ANK1: variants seen among roughly 807,000 people sequenced by gnomAD.
ANK1 encodes ankyrin 1.
Under a neutral mutation model 210.4 loss-of-function variants are expected in ANK1, and 51 were observed. The ratio of observed to expected loss-of-function variants is 0.24; its 90% CI spans 0.19 to 0.31. The LOEUF (loss-of-function observed/expected upper bound fraction) is 0.31. Among genes scored for constraint, ANK1 ranks in the 10% least tolerant of loss-of-function variants. The probability of loss-of-function intolerance (pLI) is 1.00; values close to 1 mark genes in which losing one functional copy is unlikely to be tolerated. For synonymous variants in ANK1, 967 were observed against 1,025.9 expected, an observed-to-expected ratio of 0.94 and a Z score of 1.10; for missense variants, 2,051 against 2,504.4, an observed-to-expected ratio of 0.82 and a Z score of 3.86.
chr8:41,662,238 C>T (rs1180403839), intron 40 of ANK1, among the ~76,000 whole-genome samples: 21 of 150,500 alleles, frequency 1.4e-4, no homozygotes, highest in Admixed American at 1.4e-3. Flanking sequence ...GCCTGGTTGA[C>T]AGAGCAACAC....
rs142874869 is a variant in ANK1, at chr8:41,699,283, A to T, written c.2558+169T>A. ...TGTGAGGGAGGCCTCCGCCTGCCCTAGTGGCTAGGGTGCAGAGCTAGCTCA... is the reference window on the plus strand; with the variant it reads ...TGTGAGGGAGGCCTCCGCCTGCCCTTGTGGCTAGGGTGCAGAGCTAGCTCA... On this transcript the variant is annotated intron_variant, in intron 23 of 42. Coordinates refer to ENST00000289734, the MANE Select transcript of ANK1 (RefSeq NM_000037.4). 2.8e-3 allele frequency among the ~76,000 whole-genome samples: 433 copies of T among 152,244 alleles called. 2 individuals carry two copies. Among genetic ancestry groups the T allele is most frequent in the Non-Finnish European group, 4.8e-3 (324 of 67,994 alleles).
chr8:41,819,115 A>C (rs1427121323), intron 1 of ANK1, among the ~76,000 whole-genome samples: 1 of 152,176 alleles, frequency 6.6e-6, no homozygotes, highest in Non-Finnish European at 1.5e-5. Flanking sequence ...CAACTGTAAA[A>C]ACAGCAACCC....
In ANK1 at chr8:41,653,757, C is replaced by A. The variant is rs1804808590; in HGVS notation, c.*2033G>T. ...CGCCTCTGCGCCCTGGAGGCCGGGCCGGGGTGGCCTCTGGCGGAGACGGCA... is the reference window on the plus strand; with the variant it reads ...CGCCTCTGCGCCCTGGAGGCCGGGCAGGGGTGGCCTCTGGCGGAGACGGCA... On this transcript the variant is annotated 3_prime_UTR_variant, in exon 43 of 43. Transcript: ENST00000289734. 6.6e-6 allele frequency: 1 copy of A among 152,302 alleles called. No individual in the cohort carries two copies. The highest frequency in any genetic ancestry group is 2.4e-5 in the African/African-American group (1 of 41,464). The allele number at this position is 152,302 out of a possible 1,614,324, so 9.4% of individuals were successfully genotyped here. A position where few individuals can be genotyped will look rare whatever the true frequency, so the allele number is the denominator to read the frequency against.
In ANK1 at chr8:41,891,052, T is replaced by C. The variant is rs1019555319; in HGVS notation, c.126+5303A>G. Among the ~76,000 whole-genome samples the C allele has an allele frequency of 2.0e-5, 3 of 151,842 alleles. No individual in the cohort carries two copies. In the East Asian group the frequency reaches 5.8e-4, roughly 29 times the overall value. On this transcript the variant is annotated intron_variant, in intron 1 of 42. Transcript: ENST00000265709. ...TGCGTGGAAGGTGCAGAGAGAGCAA[T>C]GGGGTGGGGGTAAGGAGGGGACAGA...
At chr8:41,795,943 C>A (rs1236436604) in intron 1 of ANK1, among the ~76,000 whole-genome samples, 1 of 152,124 alleles carries the variant, frequency 6.6e-6, no homozygotes, top group Non-Finnish European at 1.5e-5. Flanking sequence ...AAATGATAAA[C>A]ATTCAAGTCT....
At chr8:41,789,998 G>A (rs888519468) in intron 1 of ANK1, among the ~76,000 whole-genome samples, 3 of 152,156 alleles carry the variant, frequency 2.0e-5, no homozygotes, top group East Asian at 1.9e-4. Context: ...TGGATGACAC[G>A]TTTGTGAAGA....
At chr8:41,664,293 G>A (rs943321308) in intron 39 of ANK1, 4 of 393,818 alleles carry the variant, frequency 1.0e-5, no homozygotes, top group East Asian at 7.2e-5. Flanking sequence ...GCAACATAGC[G>A]AGCCCCCATC....
chr8:41,794,217 GC>G (rs1339232387), intron 1 of ANK1, among the ~76,000 whole-genome samples: 3 of 152,126 alleles, frequency 2.0e-5, no homozygotes, highest in African/African-American at 7.2e-5. Context: ...AATGTACAAA[GC>G]CCTGCATCTT....
intron 1 of ANK1, among the ~76,000 whole-genome samples, chr8:41,847,244 G>A (rs924101109): frequency 3.3e-5 from 5 of 152,298 alleles, no homozygotes; most frequent in East Asian, 1.9e-4. Flanking sequence ...CTTTCCAGGC[G>A]GCTGTTGTCC....
chr8:41,697,848 T>C lies in ANK1; in HGVS notation c.2637+195A>G, dbSNP rs559651. The C allele has an allele frequency of 0.36, 242,311 of 666,160 alleles. 46,133 individuals are homozygous for C. The highest frequency in any genetic ancestry group is 0.59 in the East Asian group (21,161 of 35,986). The allele number at this position is 666,160 out of a possible 1,614,324, so 41.3% of individuals were successfully genotyped here. On this transcript the variant is annotated intron_variant, in intron 24 of 42. Coordinates refer to ENST00000289734, the MANE Select transcript of ANK1 (RefSeq NM_000037.4). ...GAAAGGGCCCCATCTGACCATCTCT[T>C]CCAGACGCCGCCCACCCAGCGCCAC...
chr8:41,680,429 G>T (rs1045461589), intron 37 of ANK1, among the ~76,000 whole-genome samples: 3 of 152,050 alleles, frequency 2.0e-5, no homozygotes, highest in African/African-American at 7.3e-5. Flanking sequence ...TGGGTATGGT[G>T]GCGGGCACCT....
Position 41,699,457 on chromosome 8 carries a change from G to T in ANK1, c.2553C>A (p.Asp851Glu). 2 of 1,614,048 alleles carry T rather than the reference G, an allele frequency of 1.2e-6. No homozygotes were observed. Among genetic ancestry groups the T allele is most frequent in the Admixed American group, 1.7e-5 (1 of 60,022 alleles). Reference sequence around the variant, plus strand: ...CTCCCGGGAGCACTGCTCACACTTGGTCTAGCTTCGGCACAAAATCCAGCA... The same window carrying T: ...CTCCCGGGAGCACTGCTCACACTTGTTCTAGCTTCGGCACAAAATCCAGCA... ...KELLDFVPKL[D>E]QVVESPAIPR... The change falls in exon 23 of 43, where the codon GAC becomes GAA. Residue 851 changes from aspartate (D) to glutamate (E), a missense_variant. Coordinates refer to ENST00000289734, the MANE Select transcript of ANK1 (RefSeq NM_000037.4).
chr8:41,745,097 CAGAGACAG>C (rs374899008), intron 2 of ANK1, among the ~76,000 whole-genome samples: 48 of 136,260 alleles, frequency 3.5e-4, no homozygotes, highest in African/African-American at 9.0e-4. Context: ...AGAAAACAGA[CAGAGACAG>C]AGAGACAGAG....
intron 1 of ANK1, among the ~76,000 whole-genome samples, chr8:41,843,050 A>G (rs903064243): frequency 2.4e-4 from 36 of 152,036 alleles, no homozygotes; most frequent in African/African-American, 8.7e-4. Flanking sequence ...GTTTCACCAC[A>G]TTGGCCAGGC....
chr8:41,835,217 C>T (rs1484838653), intron 1 of ANK1, among the ~76,000 whole-genome samples: 3 of 152,212 alleles, frequency 2.0e-5, no homozygotes, highest in Non-Finnish European at 4.4e-5. Context: ...CTTTGGGACG[C>T]TGAGGCAGGT....
At position 41,694,716 on chromosome 8, in the gene ANK1, C is replaced by T. The variant is rs763961763; in HGVS notation, c.3203G>A (p.Arg1068Gln). The T allele has an allele frequency of 1.2e-5, 19 of 1,614,058 alleles. No individual in the cohort carries two copies. Among genetic ancestry groups the T allele is most frequent in the African/African-American group, 2.7e-5 (2 of 74,916 alleles). The change falls in exon 28 of 43, where the codon CGG becomes CAG. Residue 1068 changes from arginine (R) to glutamine (Q), a missense_variant. By Grantham distance (43) the Arg-to-Gln change is conservative. Coordinates refer to ENST00000289734, the MANE Select transcript of ANK1 (RefSeq NM_000037.4). The surrounding 1 kb of genome is among the most constrained non-coding windows in gnomAD (Gnocchi z 5.7). ...DFPLYFVIMS[R>Q]LCQDYDTIGP... ...GATGGTGTCGTAGTCCTGGCAGAGC[C>T]GTGACATGATCACGAAGTACAGCGG...
rs1817624610 is a variant in ANK1 at position 41,686,134 on chromosome 8, C to T, written c.4390+18G>A. The T allele has an allele frequency of 6.2e-7, 1 of 1,614,120 alleles. No individual in the cohort carries two copies. The highest frequency in any genetic ancestry group is 8.5e-7 in the Non-Finnish European group (1 of 1,180,046). ...GAGGAGGTCCTAGGACAGGCTTCCT[C>T]AGTGGGACGGTACTGACTGTTTGCG... is the stretch of plus-strand genomic sequence containing the variant. On this transcript the variant is annotated intron_variant, in intron 36 of 42. Coordinates refer to ENST00000289734, the MANE Select transcript of ANK1 (RefSeq NM_000037.4).
At position 41,857,891 on chromosome 8, in the gene ANK1, G is replaced by A. The variant is rs182349021; in HGVS notation, c.126+38464C>T. Reference sequence around the variant, plus strand: ...CGAACTCCAGCCTGGGCGACAGAGTGAGACTCCATCTCAAAAATAAATAAA... The same window carrying A: ...CGAACTCCAGCCTGGGCGACAGAGTAAGACTCCATCTCAAAAATAAATAAA... On this transcript the variant is annotated intron_variant, in intron 1 of 42. Transcript: ENST00000265709. Among the ~76,000 whole-genome samples the A allele has an allele frequency of 4.1e-3, 612 of 149,308 alleles. 2 individuals are homozygous for A. Among genetic ancestry groups the A allele is most frequent in the Non-Finnish European group, 5.9e-3 (397 of 67,858 alleles).
chr8:41,723,704 C>T, intron 7 of ANK1, 71 bp from the exon 8 acceptor site: 1 of 1,386,454 alleles, frequency 7.2e-7, no homozygotes, highest in Non-Finnish European at 1.0e-6. Flanking sequence ...GCACCCGCTC[C>T]CCTTGTCCCC....
Sources: allele counts gnomAD v4.1 joint callset (sites outside exome capture counted in the v4.1 genomes callset), GRCh38; gene constraint gnomAD v4.1.1; non-coding constraint Gnocchi (gnomAD v3.1); transcripts MANE v1.5; gene names NCBI Gene and HGNC (gene_info 2026-07-23, HGNC 2026-07-21).